Variants in PRKN observed in about 807,000 individuals in gnomAD.
The protein encoded by PRKN is parkin RBR E3 ubiquitin protein ligase.
In PRKN, 56 loss-of-function variants were observed where a neutral mutation model predicts 59.5. The observed-to-expected ratio is 0.94, with a 90% CI of 0.76 to 1.18. The LOEUF is 1.18. Among genes scored for constraint, PRKN ranks in the 50% most tolerant of loss-of-function variants. The pLI, the probability that PRKN is intolerant of heterozygous loss-of-function variation, is 0.00. For synonymous variants in PRKN, 250 were observed against 222.1 expected (o/e 1.13, Z -1.12); for missense variants, 657 against 596.4 (o/e 1.10, Z -1.06).
chr6:161,806,485 C>A (rs1436970092), intron 6 of PRKN, among the ~76,000 whole-genome samples: 1 of 152,144 alleles, frequency 6.6e-6, no homozygotes, highest in Non-Finnish European at 1.5e-5. Flanking sequence ...GCCAGACTTG[C>A]CCAGTCTCTC....
intron 7 of PRKN, among the ~76,000 whole-genome samples, chr6:161,650,868 A>T (rs184761034): frequency 6.6e-6 from 1 of 152,280 alleles, no homozygotes; most frequent in African/African-American, 2.4e-5. Context: ...CTTAGTTCTC[A>T]TGATATCCTC....
intron 3 of PRKN, among the ~76,000 whole-genome samples, chr6:162,213,804 TACACACACACACACACACACACAC>T (rs58192789): frequency 0.14 from 18,229 of 126,624 alleles, 1,715 homozygotes; most frequent in East Asian, 0.47. Flanking sequence ...AAAAAAACCA[TACACACACACACACACACACACAC>T]ACACACACAC....
rs1487073927 is a variant in PRKN, at chr6:162,262,539, G to A, written c.398C>T (p.Pro133Leu). ...ATTCCAATTACCTGGACTTCCAGCT[G>A]GTGGTGAGTCCTTCCTGCTGTCAGT... The part of the protein sequence containing the change: ...LHTDSRKDSP[P>L]AGSPAGRSIY... The change falls in exon 3 of 12, where the codon CCA (proline) becomes CTA (leucine). Residue 133 changes from proline (P) to leucine (L), a missense_variant. Coordinates refer to ENST00000366898, the MANE Select transcript of PRKN (RefSeq NM_004562.3). 1 of 1,614,040 alleles carries A rather than the reference G, an allele frequency of 6.2e-7. No homozygotes were observed. Among genetic ancestry groups the A allele is most frequent in the East Asian group, 2.2e-5 (1 of 44,856 alleles).
intron 9 of PRKN, among the ~76,000 whole-genome samples, chr6:161,504,650 A>C: frequency 6.7e-6 from 1 of 149,110 alleles, no homozygotes; most frequent in Non-Finnish European, 1.5e-5. Flanking sequence ...CATTAGGTAT[A>C]TCTCCCAATG....
At chr6:161,616,484 C>T (rs1233951266) in intron 7 of PRKN, among the ~76,000 whole-genome samples, 1 of 151,274 alleles carries the variant, frequency 6.6e-6, no homozygotes, top group East Asian at 1.9e-4. Context: ...CATAGATATA[C>T]ACATGCCATA....
At chr6:162,117,962 G>T (rs113087547) in intron 4 of PRKN, among the ~76,000 whole-genome samples, 4 of 152,048 alleles carry the variant, frequency 2.6e-5, no homozygotes, top group Non-Finnish European at 5.9e-5. Flanking sequence ...CAGGCATGAT[G>T]GCACACACCT....
At chr6:161,828,424 A>G (rs1472001824) in intron 6 of PRKN, among the ~76,000 whole-genome samples, 1 of 152,190 alleles carries the variant, frequency 6.6e-6, no homozygotes, top group Admixed American at 6.5e-5. Flanking sequence ...TTCACGGCAA[A>G]CAGTGATGCA....
At chr6:161,871,134 T>C (rs867516742) in intron 6 of PRKN, among the ~76,000 whole-genome samples, 1 of 152,060 alleles carries the variant, frequency 6.6e-6, no homozygotes, top group African/African-American at 2.4e-5. Context: ...TTTAAACGTA[T>C]AGAGATTATT....
chr6:162,192,570 G>A (rs547234375), intron 4 of PRKN, among the ~76,000 whole-genome samples: 143 of 146,738 alleles, frequency 9.7e-4, no homozygotes, highest in Non-Finnish European at 1.8e-3. Flanking sequence ...CACCTGCCTC[G>A]GTCTCCCAAG....
chr6:162,450,364 GCCCCTGTGATTGTAATC>G (rs1304858657), intron 1 of PRKN, among the ~76,000 whole-genome samples: 124 of 134,600 alleles, frequency 9.2e-4, no homozygotes, highest in African/African-American at 3.2e-3. Context: ...GAATGTAAAC[GCCCCTGTGATTGTAATC>G]CCCCTGTGAA....
Position 162,443,335 on chromosome 6 carries a change from T to C in PRKN, c.146A>G (p.Glu49Gly). ...CTGCACAGTCCAGTCATTCCTCAGC[T>C]CCTTCCCTGCGAAAATCACACGCAA... ...DQLRVIFAGK[E>G]LRNDWTVQNC... Residue 49 changes from glutamate (E) to glycine (G), a missense_variant, in exon 2 of 12, where the codon GAG becomes GGG. Glu to Gly is a moderately conservative substitution (Grantham distance 98). Transcript: ENST00000366898. 1 of 1,612,624 alleles carries C rather than the reference T, an allele frequency of 6.2e-7. No homozygotes were observed. Among genetic ancestry groups the C allele is most frequent in the East Asian group, 2.2e-5 (1 of 44,854 alleles).
intron 7 of PRKN, among the ~76,000 whole-genome samples, chr6:161,755,115 A>G (rs566803248): frequency 6.6e-6 from 1 of 152,340 alleles, no homozygotes; most frequent in Admixed American, 6.5e-5. Flanking sequence ...TCCTTTGTTC[A>G]TTGATAACAT....
chr6:162,107,182 A>G (rs929354380), intron 4 of PRKN, among the ~76,000 whole-genome samples: 1 of 152,158 alleles, frequency 6.6e-6, no homozygotes, highest in African/African-American at 2.4e-5. Flanking sequence ...AAAAGGTTGA[A>G]GGCCGGGCTC....
intron 6 of PRKN, among the ~76,000 whole-genome samples, chr6:161,873,642 A>C (rs546000328): frequency 2.6e-5 from 4 of 151,820 alleles, no homozygotes; most frequent in Admixed American, 1.3e-4. Flanking sequence ...CAACAACAAC[A>C]AAACAAGTCT....
In PRKN at chr6:161,647,246, C is replaced by G. The variant is rs532587649; in HGVS notation, c.872-77830G>C. ...GAGCCTTTTCATATATTGTTTCCAA[C>G]TGTTATCTTCTGAACAGTATGCAGA... On this transcript the variant is annotated intron_variant, in intron 7 of 11. Transcript: ENST00000366898. Among the ~76,000 whole-genome samples, 11 of 152,306 alleles carry G rather than the reference C, an allele frequency of 7.2e-5. No homozygotes were observed. The East Asian group carries it at 1.2e-3, about 16-fold the overall frequency.
intron 4 of PRKN, among the ~76,000 whole-genome samples, chr6:162,171,105 G>C (rs544928992): frequency 2.6e-5 from 4 of 152,144 alleles, no homozygotes; most frequent in Admixed American, 6.5e-5. Context: ...CGGTTGAATA[G>C]ACACCATTGC....
At chr6:162,665,175 C>T (rs1779050995) in intron 1 of PRKN, among the ~76,000 whole-genome samples, 1 of 152,082 alleles carries the variant, frequency 6.6e-6, no homozygotes, top group Admixed American at 6.6e-5. Context: ...ATTGGAAGTT[C>T]TGGCCAGGGC....
rs991490366 is a variant in PRKN at position 161,354,068 on chromosome 6, A to G, written c.1286-3857T>C. ...ATGAATCTGGGATACTAGCATTGTA[A>G]ATGATATCTTGGTACAGAAGCTAGA... is the stretch of plus-strand genomic sequence containing the variant. On this transcript the variant is annotated intron_variant, in intron 11 of 11. Transcript: ENST00000366898. This position sits in a 1 kb window ranked among gnomAD's most constrained non-coding sequence, Gnocchi z 6.7. Among the ~76,000 whole-genome samples the G allele has an allele frequency of 3.9e-5, 6 of 152,234 alleles. No individual in the cohort carries two copies. The highest frequency in any genetic ancestry group is 8.8e-5 in the Non-Finnish European group (6 of 68,032).
intron 1 of PRKN, among the ~76,000 whole-genome samples, chr6:162,545,760 G>A (rs1167077056): frequency 1.3e-5 from 2 of 152,056 alleles, no homozygotes; most frequent in Non-Finnish European, 2.9e-5. Context: ...TTTTAAACAT[G>A]TTTGATAATT....
Sources: allele counts gnomAD v4.1 joint callset (sites outside exome capture counted in the v4.1 genomes callset), GRCh38; gene constraint gnomAD v4.1.1; non-coding constraint Gnocchi (gnomAD v3.1); transcripts MANE v1.5; gene names NCBI Gene and HGNC (gene_info 2026-07-23, HGNC 2026-07-21).